Variants in SLC8A1 observed in about 807,000 individuals in gnomAD.
The protein encoded by SLC8A1 is solute carrier family 8 member A1.
SLC8A1 carries 18 observed loss-of-function variants against 68.3 expected under a neutral mutation model. The ratio of observed to expected loss-of-function variants is 0.26; its 90% CI spans 0.18 to 0.39. SLC8A1 has a LOEUF of 0.39. Among genes scored for constraint, SLC8A1 ranks in the 10% least tolerant of loss-of-function variants. The pLI, the probability that SLC8A1 is intolerant of heterozygous loss-of-function variation, is 1.00. For missense variants in SLC8A1, 985 were observed against 1,156.7 expected, an observed-to-expected ratio of 0.85 and a Z score of 2.15; for synonymous variants, 475 against 415.5, an observed-to-expected ratio of 1.14 and a Z score of -1.74.
intron 1 of SLC8A1, among the ~76,000 whole-genome samples, chr2:40,510,796 C>G (rs949122277): frequency 1.3e-5 from 2 of 152,062 alleles, no homozygotes; most frequent in South Asian, 4.1e-4. Flanking sequence ...TTAATGTGCT[C>G]TCAATGTAAA....
intron 2 of SLC8A1, among the ~76,000 whole-genome samples, chr2:40,327,277 A>G (rs978519667): frequency 1.3e-5 from 2 of 152,218 alleles, no homozygotes; most frequent in African/African-American, 2.4e-5. Flanking sequence ...TACAATTCAC[A>G]TGAACATTCC....
intron 1 of SLC8A1, among the ~76,000 whole-genome samples, chr2:40,495,466 TG>T (rs1705631391): frequency 6.6e-6 from 1 of 152,066 alleles, no homozygotes; most frequent in African/African-American, 2.4e-5. Flanking sequence ...TGCCTCCTTA[TG>T]TTTTCATCAG....
intron 2 of SLC8A1, among the ~76,000 whole-genome samples, chr2:40,346,711 C>G (rs545063215): frequency 9.2e-5 from 14 of 152,242 alleles, no homozygotes; most frequent in Non-Finnish European, 1.8e-4. Flanking sequence ...AGAATGACCT[C>G]TATGGCTAAA....
At chr2:40,324,533 C>A (rs2075594831) in intron 2 of SLC8A1, among the ~76,000 whole-genome samples, 3 of 152,148 alleles carry the variant, frequency 2.0e-5, no homozygotes, top group Admixed American at 2.0e-4. Flanking sequence ...TAGATTCCTG[C>A]TCTAAATATG....
intron 2 of SLC8A1, among the ~76,000 whole-genome samples, chr2:40,338,605 T>C (rs749683454): frequency 1.3e-5 from 2 of 152,184 alleles, no homozygotes; most frequent in Non-Finnish European, 2.9e-5. Flanking sequence ...TACAAGTCAA[T>C]GATTACTGAG....
intron 2 of SLC8A1, among the ~76,000 whole-genome samples, chr2:40,340,026 A>G (rs1326107054): frequency 1.3e-5 from 2 of 152,216 alleles, no homozygotes; most frequent in Non-Finnish European, 1.5e-5. Context: ...AAGTAGTCAT[A>G]TGAGGCAGAA....
At chr2:40,252,908 T>C (rs1384114472) in intron 2 of SLC8A1, among the ~76,000 whole-genome samples, 3 of 139,098 alleles carry the variant, frequency 2.2e-5, no homozygotes, top group Non-Finnish European at 4.6e-5. Context: ...TATGTATGTA[T>C]ATGTGTATAT....
intron 6 of SLC8A1, among the ~76,000 whole-genome samples, chr2:40,153,201 G>A (rs1482747687): frequency 2.0e-5 from 3 of 152,096 alleles, no homozygotes; most frequent in Non-Finnish European, 4.4e-5. Context: ...GCAGTTACAC[G>A]GAAAGCAAGT....
At chr2:40,215,430 G>C (rs991312441) in intron 2 of SLC8A1, among the ~76,000 whole-genome samples, 1 of 151,976 alleles carries the variant, frequency 6.6e-6, no homozygotes, top group African/African-American at 2.4e-5. Context: ...GAGGTCAGGA[G>C]ATCGAGACCA....
At chr2:40,506,663 A>G (rs1706390906) in intron 1 of SLC8A1, among the ~76,000 whole-genome samples, 1 of 149,798 alleles carries the variant, frequency 6.7e-6, no homozygotes, top group Non-Finnish European at 1.5e-5. Flanking sequence ...GACCTGAAGG[A>G]ATTCAATTTT....
At chr2:40,288,220 C>A (rs751375740) in intron 2 of SLC8A1, among the ~76,000 whole-genome samples, 20 of 152,262 alleles carry the variant, frequency 1.3e-4, no homozygotes, top group Non-Finnish European at 2.2e-4. Flanking sequence ...CCTAGGATTT[C>A]ACACATATGA....
At chr2:40,231,580 T>C (rs532634362) in intron 2 of SLC8A1, among the ~76,000 whole-genome samples, 2 of 152,268 alleles carry the variant, frequency 1.3e-5, no homozygotes, top group East Asian at 1.9e-4. Context: ...CCATCTATCA[T>C]GAGTCTAGTG....
chr2:40,148,387 C>T (rs1423507510), intron 6 of SLC8A1, among the ~76,000 whole-genome samples: 3 of 152,214 alleles, frequency 2.0e-5, no homozygotes, highest in Non-Finnish European at 4.4e-5. Flanking sequence ...ATGACAATAA[C>T]ACTCTCATAA....
At chr2:40,156,892 T>C (rs113496827) in intron 6 of SLC8A1, among the ~76,000 whole-genome samples, 3,183 of 152,278 alleles carry the variant, frequency 0.021, 117 homozygotes, top group African/African-American at 0.072. Context: ...GTGTTCTACA[T>C]GTGTGTTCAC....
chr2:40,228,209 C>G (rs1191879160), intron 2 of SLC8A1, among the ~76,000 whole-genome samples: 2 of 152,122 alleles, frequency 1.3e-5, no homozygotes. Flanking sequence ...AAAGGTTACC[C>G]AAGCTTTGAC....
At position 40,287,047 on chromosome 2, in the gene SLC8A1, C is replaced by G. The variant is rs1363344171; in HGVS notation, c.1809-109192G>C. 2.0e-5 allele frequency among the ~76,000 whole-genome samples: 3 copies of G among 152,088 alleles called. No individual in the cohort carries two copies. The East Asian group carries it at 5.8e-4, about 29-fold the overall frequency. On this transcript the variant is annotated intron_variant, in intron 2 of 7. Coordinates refer to ENST00000406785, the Ensembl canonical transcript of SLC8A1. ...CTCTTTCACAGGAGTAACAGGTCAC[C>G]TACCTCCCATGAAAGGAATTTAAAA...
At chr2:40,494,700 A>G (rs1223660692) in intron 1 of SLC8A1, among the ~76,000 whole-genome samples, 1 of 139,936 alleles carries the variant, frequency 7.1e-6, no homozygotes, top group Non-Finnish European at 1.5e-5. Flanking sequence ...TGGAAGCTAG[A>G]TATTGTTTTG....
chr2:40,178,307 T>C (rs578098377), intron 2 of SLC8A1, 80 bp downstream of exon 3: 6 of 1,018,252 alleles, frequency 5.9e-6, no homozygotes, highest in South Asian at 5.1e-5. Context: ...TTGTAAGTCA[T>C]GTTCTGAAGA....
At chr2:40,485,198 G>C (rs1704884456) in intron 1 of SLC8A1, among the ~76,000 whole-genome samples, 1 of 151,938 alleles carries the variant, frequency 6.6e-6, no homozygotes, top group Admixed American at 6.6e-5. Context: ...ACCTCAACAG[G>C]GTCAAGGGAA....
Sources: gnomAD v4.1 joint callset for allele counts (sites outside exome capture counted in the v4.1 genomes callset) on GRCh38, gnomAD v4.1.1 for gene constraint, MANE v1.5 for transcripts, NCBI Gene and HGNC (gene_info 2026-07-23, HGNC 2026-07-21) for gene names.